SAMD12: variants seen among roughly 807,000 people sequenced by gnomAD.
The protein encoded by SAMD12 is sterile alpha motif domain-containing protein 12.
In SAMD12, 9 loss-of-function variants were observed where a neutral mutation model predicts 15.0. The ratio of observed to expected loss-of-function variants is 0.60; its 90% CI spans 0.36 to 1.05. The LOEUF is 1.05. Among genes scored for constraint, SAMD12 ranks in the 50% least tolerant of loss-of-function variants. The pLI is 0.01. For synonymous variants in SAMD12, 86 were observed against 90.1 expected, an observed-to-expected ratio of 0.96 and a Z score of 0.25; for missense variants, 230 against 234.2, an observed-to-expected ratio of 0.98 and a Z score of 0.12.
chr8:118,364,218 A>G (rs185502696), intron 4 of SAMD12, among the ~76,000 whole-genome samples: 5 of 152,284 alleles, frequency 3.3e-5, no homozygotes, highest in Non-Finnish European at 4.4e-5. Context: ...GTCTCTGTGT[A>G]AAGTAACTTG....
intron 4 of SAMD12, among the ~76,000 whole-genome samples, chr8:118,224,522 A>T (rs1812146410): frequency 6.6e-6 from 1 of 152,230 alleles, no homozygotes; most frequent in Non-Finnish European, 1.5e-5. Flanking sequence ...TTACGTGAAT[A>T]AGGGTGATAT....
chr8:118,590,580 C>T (rs978023963), intron 1 of SAMD12, among the ~76,000 whole-genome samples: 2 of 152,198 alleles, frequency 1.3e-5, no homozygotes, highest in South Asian at 4.1e-4. Flanking sequence ...TGAGATTGAG[C>T]GGGGAACCTG....
At chr8:118,226,561 T>C (rs1812193127) in intron 4 of SAMD12, among the ~76,000 whole-genome samples, 1 of 152,230 alleles carries the variant, frequency 6.6e-6, no homozygotes, top group African/African-American at 2.4e-5. Flanking sequence ...CATCCATCAA[T>C]TTATCCAACT....
chr8:118,154,109 C>T, the SAMD12 span, among the ~76,000 whole-genome samples: 2 of 150,832 alleles, frequency 1.3e-5, no homozygotes, highest in Non-Finnish European at 2.9e-5. Flanking sequence ...TCAATGCCTG[C>T]TTAAGCAAAA....
chr8:118,227,669 T>C (rs1453381000), intron 4 of SAMD12, among the ~76,000 whole-genome samples: 1 of 152,198 alleles, frequency 6.6e-6, no homozygotes, highest in East Asian at 1.9e-4. Flanking sequence ...GAACATGTTA[T>C]AGAGCTTGAA....
chr8:118,536,730 T>C (rs1255249155), intron 2 of SAMD12, among the ~76,000 whole-genome samples: 2 of 152,236 alleles, frequency 1.3e-5, no homozygotes, highest in African/African-American at 4.8e-5. Flanking sequence ...TATTGTACTA[T>C]GTATTGAAAA....
intron 4 of SAMD12, among the ~76,000 whole-genome samples, chr8:118,367,729 T>G (rs1818873272): frequency 6.6e-6 from 1 of 152,160 alleles, no homozygotes; most frequent in African/African-American, 2.4e-5. Context: ...CTTAAAACAT[T>G]GAGCTGTGAA....
chr8:118,379,623 A>C lies in SAMD12; in HGVS notation c.400T>G (p.Leu134Val), dbSNP rs770062674. Residue 134 changes from leucine to valine, a missense_variant, in exon 4 of 4, where the codon TTA becomes GTA. Physicochemically the swap from Leu to Val is conservative, Grantham distance 32. Transcript: ENST00000314727. ...ACCTTCAGCTGGAGCACCTGTTGTA[A>C]GATGTGCTGCCGGAGGTTCTCCTGG... Reference protein sequence around the residue: ...IAQENLRQHILQQVLQLKVRE... With the variant: ...IAQENLRQHIVQQVLQLKVRE... The C allele has an allele frequency of 1.2e-6, 2 of 1,613,952 alleles. No homozygotes were observed. Among genetic ancestry groups the C allele is most frequent in the Non-Finnish European group, 1.7e-6 (2 of 1,179,890 alleles).
At chr8:118,301,553 C>T (rs187270011) in intron 4 of SAMD12, among the ~76,000 whole-genome samples, 67 of 152,272 alleles carry the variant, frequency 4.4e-4, no homozygotes, top group Admixed American at 8.5e-4. Flanking sequence ...ATTCATTAAG[C>T]GTTGTCTCTT....
intron 1 of SAMD12, among the ~76,000 whole-genome samples, chr8:118,607,329 G>A (rs983882785): frequency 6.6e-6 from 1 of 151,952 alleles, no homozygotes; most frequent in Non-Finnish European, 1.5e-5. Flanking sequence ...TCCGCCTCCC[G>A]GGTTTAAGTG....
At chr8:118,314,418 GTGTT>G (rs1815778321) in intron 4 of SAMD12, among the ~76,000 whole-genome samples, 2 of 152,114 alleles carry the variant, frequency 1.3e-5, no homozygotes, top group Admixed American at 1.3e-4. Flanking sequence ...ACTTGTGTGT[GTGTT>G]TGTATGTGTG....
chr8:118,393,757 C>T lies in SAMD12; in HGVS notation c.323-14057G>A, dbSNP rs572816434. 5.3e-4 allele frequency among the ~76,000 whole-genome samples: 81 copies of T among 152,176 alleles called. 1 individual carries two copies. The highest frequency in any genetic ancestry group is 1.8e-3 in the African/African-American group (76 of 41,530). ...GAGATTACAAGCACCCATTATCACA[C>T]CCAGCTAATTTTTTTTGTATTTTTA... is the stretch of plus-strand genomic sequence containing the variant. On this transcript the variant is annotated intron_variant, in intron 3 of 3. Transcript: ENST00000314727.
intron 4 of SAMD12, among the ~76,000 whole-genome samples, chr8:118,225,061 A>G (rs775450696): frequency 6.6e-6 from 1 of 152,210 alleles, no homozygotes; most frequent in Non-Finnish European, 1.5e-5. Flanking sequence ...GTGTTTATTG[A>G]AATGACCAAA....
chr8:118,575,708 C>A (rs986573911), intron 2 of SAMD12, among the ~76,000 whole-genome samples: 2 of 152,132 alleles, frequency 1.3e-5, no homozygotes, highest in African/African-American at 2.4e-5. Context: ...CAGGAAAAAA[C>A]AAAGGATTAT....
chr8:118,533,237 T>C (rs144632800), intron 2 of SAMD12, among the ~76,000 whole-genome samples: 51,677 of 152,134 alleles, frequency 0.34, 9,627 homozygotes, highest in Admixed American at 0.43. Flanking sequence ...AGTTTCCATG[T>C]AGTTGAGCGG....
intron 2 of SAMD12, among the ~76,000 whole-genome samples, chr8:118,493,720 C>T (rs146506326): frequency 0.014 from 2,064 of 152,226 alleles, 22 homozygotes; most frequent in Middle Eastern, 0.027. Context: ...AGTTGAAGGT[C>T]ACATAACCTG....
In SAMD12 at chr8:118,250,747, C is replaced by T. The variant is rs566727721; in HGVS notation, c.434-53015G>A. On this transcript the variant is annotated intron_variant, in intron 4 of 4. Transcript: ENST00000409003. ...CTTGAATTCCTAGCCTCAAGTAATCCGCCCGCTTCAGCCTCCCAAAGTGCT... is the reference window on the plus strand; with the variant it reads ...CTTGAATTCCTAGCCTCAAGTAATCTGCCCGCTTCAGCCTCCCAAAGTGCT... 1.3e-4 allele frequency among the ~76,000 whole-genome samples: 19 copies of T among 151,808 alleles called. No individual in the cohort carries two copies. The South Asian group carries it at 3.5e-3, about 28-fold the overall frequency.
At chr8:118,551,411 T>C (rs12545243) in intron 2 of SAMD12, among the ~76,000 whole-genome samples, 106,002 of 150,874 alleles carry the variant, frequency 0.7, 37,450 homozygotes, top group Admixed American at 0.78. Context: ...CTGAACAACC[T>C]GCTCCTGAAT....
At chr8:118,234,539 G>A (rs557168625) in intron 4 of SAMD12, among the ~76,000 whole-genome samples, 53 of 151,644 alleles carry the variant, frequency 3.5e-4, no homozygotes, top group Admixed American at 5.3e-4. Context: ...GTGAAACCCC[G>A]TCTCTACTGA....
Sources: gnomAD v4.1 joint callset for allele counts (sites outside exome capture counted in the v4.1 genomes callset) on GRCh38, gnomAD v4.1.1 for gene constraint, MANE v1.5 for transcripts, NCBI Gene and HGNC (gene_info 2026-07-23, HGNC 2026-07-21) for gene names.